The following LINGO2 variants were observed in gnomAD, a reference collection of about 807,000 sequenced individuals.
LINGO2 encodes the protein leucine-rich repeat and immunoglobulin-like domain-containing nogo receptor-interacting protein 2.
LINGO2 carries 14 observed loss-of-function variants against 30.6 expected under a neutral mutation model. That is an observed-to-expected ratio of 0.46 (90% CI 0.30 to 0.72). LINGO2 has a LOEUF of 0.72. Among genes scored for constraint, LINGO2 ranks in the 30% least tolerant of loss-of-function variants. The pLI, the probability that LINGO2 is intolerant of heterozygous loss-of-function variation, is 0.07. For missense variants in LINGO2, 729 were observed against 751.7 expected (o/e 0.97, Z 0.35); for synonymous variants, 317 against 288.5 (o/e 1.10, Z -1.00).
chr9:29,026,885 T>C, the LINGO2 span, among the ~76,000 whole-genome samples: 2 of 152,144 alleles, frequency 1.3e-5, no homozygotes, highest in Admixed American at 6.6e-5. Context: ...TCATTGCCAG[T>C]CCATATATCT....
chr9:28,303,713 T>C (rs183847345), intron 3 of LINGO2, among the ~76,000 whole-genome samples: 56 of 152,234 alleles, frequency 3.7e-4, no homozygotes, highest in East Asian at 1.2e-3. Flanking sequence ...GTATTTACTC[T>C]TTATAATAAA....
chr9:28,957,766 T>A, the LINGO2 span, among the ~76,000 whole-genome samples: 3 of 152,204 alleles, frequency 2.0e-5, no homozygotes, highest in Non-Finnish European at 4.4e-5. Context: ...AAAATCTACC[T>A]GAAGATTTTA....
intron 2 of LINGO2, among the ~76,000 whole-genome samples, chr9:28,384,202 A>G (rs900897120): frequency 2.6e-5 from 4 of 151,466 alleles, no homozygotes; most frequent in African/African-American, 4.8e-5. Flanking sequence ...CACTCAAAAC[A>G]AAAACTAGGA....
chr9:28,521,232 T>C (rs1820817637), intron 1 of LINGO2, among the ~76,000 whole-genome samples: 1 of 152,208 alleles, frequency 6.6e-6, no homozygotes, highest in African/African-American at 2.4e-5. Context: ...AATGCTGCTA[T>C]TTTTGATAAT....
chr9:28,036,709 T>C (rs1406568209), intron 4 of LINGO2, among the ~76,000 whole-genome samples: 2 of 152,208 alleles, frequency 1.3e-5, no homozygotes, highest in Non-Finnish European at 2.9e-5. Flanking sequence ...AGTAGTTCAT[T>C]TTTAGTAGGC....
At chr9:28,943,271 G>A in the LINGO2 span, among the ~76,000 whole-genome samples, 1 of 152,016 alleles carries the variant, frequency 6.6e-6, no homozygotes, top group Non-Finnish European at 1.5e-5. Context: ...GGAGAACACT[G>A]CATCCATAAG....
the LINGO2 span, among the ~76,000 whole-genome samples, chr9:29,161,103 A>G: frequency 6.6e-6 from 1 of 152,228 alleles, no homozygotes; most frequent in Non-Finnish European, 1.5e-5. Flanking sequence ...AGAGGGAAAG[A>G]GTTAAGCTGC....
rs10968482 is a variant in LINGO2, at chr9:28,309,778, G to A, written c.-245-14412C>T. On this transcript the variant is annotated intron_variant, in intron 3 of 5. Coordinates refer to ENST00000379992, the Ensembl canonical transcript of LINGO2. ...TATATGCAAGTTACATAAAAAACTC[G>A]TGTAAAATACCTAAAGAACTCTCAA... 0.014 allele frequency among the ~76,000 whole-genome samples: 2,174 copies of A among 151,510 alleles called. 94 individuals are homozygous for A. The East Asian group carries it at 0.15, about 11-fold the overall frequency.
At chr9:29,028,460 C>CAG in the LINGO2 span, among the ~76,000 whole-genome samples, 6 of 146,714 alleles carry the variant, frequency 4.1e-5, no homozygotes, top group Non-Finnish European at 6.0e-5. Context: ...CAGAGAGAGA[C>CAG]AGAGAGAGAG....
intron 4 of LINGO2, among the ~76,000 whole-genome samples, chr9:28,055,470 G>C (rs1270696157): frequency 2.0e-5 from 3 of 152,120 alleles, no homozygotes; most frequent in Non-Finnish European, 1.5e-5. Context: ...CATAAAATAA[G>C]AACTTGTAAA....
chr9:28,617,517 G>T (rs201285089), intron 1 of LINGO2, among the ~76,000 whole-genome samples: 21 of 151,962 alleles, frequency 1.4e-4, no homozygotes, highest in African/African-American at 4.8e-4. Context: ...GGATGGTCTC[G>T]ATCTCCTGAC....
chr9:28,139,579 T>C (rs1398628142), intron 4 of LINGO2, among the ~76,000 whole-genome samples: 1 of 152,196 alleles, frequency 6.6e-6, no homozygotes, highest in East Asian at 1.9e-4. Context: ...ACAATAGAAA[T>C]GCTTAGATTC....
chr9:28,877,045 T>C, the LINGO2 span, among the ~76,000 whole-genome samples: 18 of 152,246 alleles, frequency 1.2e-4, no homozygotes, highest in Admixed American at 2.0e-4. Flanking sequence ...TGCATAAATG[T>C]CTTCTTTTGA....
the LINGO2 span, among the ~76,000 whole-genome samples, chr9:28,986,465 G>A: frequency 6.6e-6 from 1 of 151,984 alleles, no homozygotes; most frequent in African/African-American, 2.4e-5. Context: ...ATTTTAGGTA[G>A]TATGGACATT....
chr9:29,044,325 G>A, the LINGO2 span, among the ~76,000 whole-genome samples: 1 of 151,798 alleles, frequency 6.6e-6, no homozygotes, highest in Non-Finnish European at 1.5e-5. Context: ...CTCCTCCTTT[G>A]TTCTAATTAA....
At chr9:28,835,522 C>A in the LINGO2 span, among the ~76,000 whole-genome samples, 1 of 152,070 alleles carries the variant, frequency 6.6e-6, no homozygotes, top group Non-Finnish European at 1.5e-5. Flanking sequence ...TTTAGAAACC[C>A]ATTTGTTTGA....
At chr9:28,359,791 G>A (rs898457271) in intron 3 of LINGO2, among the ~76,000 whole-genome samples, 6 of 152,134 alleles carry the variant, frequency 3.9e-5, no homozygotes, top group Admixed American at 6.6e-5. Context: ...TAACACTTTT[G>A]TTTAGCCAAA....
At chr9:28,456,025 T>C (rs2135096031) in intron 2 of LINGO2, among the ~76,000 whole-genome samples, 1 of 152,312 alleles carries the variant, frequency 6.6e-6, no homozygotes, top group Admixed American at 6.5e-5. Context: ...TGTTCTCTTA[T>C]ATCTCATTTT....
At chr9:28,749,143 C>A in the LINGO2 span, among the ~76,000 whole-genome samples, 3 of 151,992 alleles carry the variant, frequency 2.0e-5, no homozygotes, top group African/African-American at 7.3e-5. Flanking sequence ...CTTTATTTCT[C>A]ACTCTCTTGA....
Sources: allele counts gnomAD v4.1 joint callset (sites outside exome capture counted in the v4.1 genomes callset), GRCh38; gene constraint gnomAD v4.1.1; transcripts MANE v1.5; gene names NCBI Gene and HGNC (gene_info 2026-07-23, HGNC 2026-07-21).